MDGA2: variants seen among roughly 807,000 people sequenced by gnomAD.
MDGA2 encodes the protein MAM domain containing glycosylphosphatidylinositol anchor 2.
In MDGA2, 40 loss-of-function variants were observed where a neutral mutation model predicts 117.8. The observed-to-expected ratio is 0.34, with a 90% CI of 0.26 to 0.44. The LOEUF (loss-of-function observed/expected upper bound fraction) is 0.44. Ranked by LOEUF, MDGA2 falls within the 20% of genes least tolerant of loss-of-function variation. MDGA2 has a pLI of 1.00. For missense variants in MDGA2, 1,123 were observed against 1,250.6 expected (o/e 0.90, Z 1.54); for synonymous variants, 452 against 439.0 (o/e 1.03, Z -0.37).
At chr14:47,470,120 AT>A (rs35293636) in intron 1 of MDGA2, among the ~76,000 whole-genome samples, 72,021 of 148,478 alleles carry the variant, frequency 0.49, 18,681 homozygotes, top group East Asian at 0.91. Context: ...ATTTATTTTT[AT>A]TTTTTTTTTG....
intron 8 of MDGA2, among the ~76,000 whole-genome samples, chr14:46,987,537 C>T (rs1886906539): frequency 2.0e-5 from 3 of 151,994 alleles, no homozygotes; most frequent in South Asian, 4.1e-4. Context: ...TGCAGCCACG[C>T]GTCACTCACC....
At chr14:47,088,005 A>G (rs1003958246) in intron 6 of MDGA2, among the ~76,000 whole-genome samples, 3 of 152,058 alleles carry the variant, frequency 2.0e-5, no homozygotes, top group Non-Finnish European at 2.9e-5. Context: ...ACTAAGTAGG[A>G]AAATTTAAAT....
At chr14:47,382,204 C>T (rs1891650425) in intron 1 of MDGA2, among the ~76,000 whole-genome samples, 1 of 152,234 alleles carries the variant, frequency 6.6e-6, no homozygotes, top group Admixed American at 6.5e-5. Flanking sequence ...AAAATTAATT[C>T]AAGATGGATT....
chr14:47,046,726 A>T (rs1481848962), intron 7 of MDGA2, among the ~76,000 whole-genome samples: 1 of 152,148 alleles, frequency 6.6e-6, no homozygotes, highest in Non-Finnish European at 1.5e-5. Flanking sequence ...CACTCCAAAC[A>T]GTTTATTATA....
chr14:47,394,147 C>T lies in MDGA2; in HGVS notation c.281-92597G>A, dbSNP rs542437420. ...ATAAAAAATTTTTATAATAAAAATG[C>T]TACACATTTGTTAGCATGTGGCATT... is the stretch of plus-strand genomic sequence containing the variant. On this transcript the variant is annotated intron_variant, in intron 1 of 16. Coordinates refer to ENST00000399232, the MANE Select transcript of MDGA2 (RefSeq NM_001113498.3). 1.3e-4 allele frequency among the ~76,000 whole-genome samples: 20 copies of T among 152,158 alleles called. 1 individual carries two copies. The highest frequency in any genetic ancestry group is 3.4e-3 in the Middle Eastern group (1 of 294).
rs557728951 is a variant in MDGA2, at chr14:47,099,939, G to A, written c.926-2816C>T. Among the ~76,000 whole-genome samples, 19 of 152,058 alleles carry A rather than the reference G, an allele frequency of 1.2e-4. No individual in the cohort carries two copies. In the East Asian group the frequency reaches 3.7e-3, roughly 29 times the overall value. On this transcript the variant is annotated intron_variant, in intron 5 of 16. Coordinates refer to ENST00000399232, the MANE Select transcript of MDGA2 (RefSeq NM_001113498.3). Reference sequence around the variant, plus strand: ...TAGTCCAGTGCTTGGAACTCAGTGGGTGCTTAATAAATATTAGTAACACGA... The same window carrying A: ...TAGTCCAGTGCTTGGAACTCAGTGGATGCTTAATAAATATTAGTAACACGA...
chr14:47,472,820 A>G (rs1484833961), intron 1 of MDGA2, among the ~76,000 whole-genome samples: 1 of 152,170 alleles, frequency 6.6e-6, no homozygotes, highest in Non-Finnish European at 1.5e-5. Context: ...GGAGAAAATT[A>G]TAATGATGCC....
intron 1 of MDGA2, among the ~76,000 whole-genome samples, chr14:47,351,065 C>T (rs573258434): frequency 6.9e-6 from 1 of 145,530 alleles, no homozygotes; most frequent in African/African-American, 2.5e-5. Flanking sequence ...GTCAGTGCCA[C>T]CAGGCCCGGC....
At chr14:47,256,981 G>A (rs1380746143) in intron 2 of MDGA2, among the ~76,000 whole-genome samples, 1 of 151,066 alleles carries the variant, frequency 6.6e-6, no homozygotes, top group African/African-American at 2.4e-5. Flanking sequence ...AAAGAGGGGG[G>A]ACAAGATGAA....
intron 7 of MDGA2, among the ~76,000 whole-genome samples, chr14:47,049,993 A>T (rs569596586): frequency 2.7e-4 from 41 of 151,960 alleles, no homozygotes; most frequent in Admixed American, 1.4e-3. Context: ...CCAGGCTCCA[A>T]TTCCTTAGTC....
At chr14:47,141,220 A>C (rs1451455715) in intron 4 of MDGA2, among the ~76,000 whole-genome samples, 2 of 152,178 alleles carry the variant, frequency 1.3e-5, no homozygotes, top group Non-Finnish European at 2.9e-5. Flanking sequence ...TACAGCCATT[A>C]TGGAAAACAG....
chr14:46,859,267 TC>T (rs929261883), intron 14 of MDGA2, among the ~76,000 whole-genome samples: 17 of 152,192 alleles, frequency 1.1e-4, no homozygotes, highest in African/African-American at 4.1e-4. Flanking sequence ...GCTGCTCTCC[TC>T]TCAGGTCTCC....
intron 1 of MDGA2, among the ~76,000 whole-genome samples, chr14:47,624,224 G>A (rs554934991): frequency 7.9e-5 from 12 of 152,286 alleles, no homozygotes; most frequent in African/African-American, 2.6e-4. Flanking sequence ...TTGAAAGGCC[G>A]AGGCGGGCGG....
chr14:47,604,643 T>C (rs926660397), intron 1 of MDGA2, among the ~76,000 whole-genome samples: 1 of 152,046 alleles, frequency 6.6e-6, no homozygotes, highest in Non-Finnish European at 1.5e-5. Flanking sequence ...GTCTTCAATC[T>C]TGGTTTTACT....
intron 2 of MDGA2, among the ~76,000 whole-genome samples, chr14:47,264,110 G>C (rs1887886622): frequency 6.6e-6 from 1 of 152,082 alleles, no homozygotes; most frequent in South Asian, 2.1e-4. Flanking sequence ...TTTAATAACT[G>C]CAATTGTTTT....
intron 2 of MDGA2, among the ~76,000 whole-genome samples, chr14:47,287,829 A>G (rs1888739581): frequency 1.3e-5 from 2 of 152,150 alleles, no homozygotes; most frequent in Non-Finnish European, 2.9e-5. Context: ...GTGAGCCCTT[A>G]ATCCAATCCA....
chr14:46,877,607 C>G lies in MDGA2; in HGVS notation c.2417-98G>C, dbSNP rs769333148. On this transcript the variant is annotated intron_variant, in intron 11 of 16. Transcript: ENST00000399232. Reference sequence around the variant, plus strand: ...AAAGTCTAATCAGTGTCTCATAGTTCCTTACCAAAACTTAATGATCTTTCC... The same window carrying G: ...AAAGTCTAATCAGTGTCTCATAGTTGCTTACCAAAACTTAATGATCTTTCC... 1.1e-5 allele frequency: 9 copies of G among 793,508 alleles called. No individual in the cohort carries two copies. The Admixed American group carries it at 2.5e-4, about 22-fold the overall frequency. 49.2% of individuals were successfully genotyped at this position (793,508 alleles called of 1,614,324 possible). A position where few individuals can be genotyped will look rare whatever the true frequency, so the allele number is the denominator to read the frequency against.
intron 5 of MDGA2, among the ~76,000 whole-genome samples, chr14:47,126,671 T>C (rs1881920164): frequency 6.6e-6 from 1 of 152,090 alleles, no homozygotes; most frequent in South Asian, 2.1e-4. Flanking sequence ...CAAAATGGAA[T>C]GGGCTCATGG....
chr14:47,192,901 C>A (rs989948219), intron 3 of MDGA2, among the ~76,000 whole-genome samples: 1 of 152,162 alleles, frequency 6.6e-6, no homozygotes, highest in Non-Finnish European at 1.5e-5. Flanking sequence ...TGCTATAAAA[C>A]TCCTTCCCCA....
Sources: allele counts gnomAD v4.1 joint callset (sites outside exome capture counted in the v4.1 genomes callset), GRCh38; gene constraint gnomAD v4.1.1; transcripts MANE v1.5; gene names NCBI Gene and HGNC (gene_info 2026-07-23, HGNC 2026-07-21).